Variants in SPTBN4 observed in about 807,000 individuals in gnomAD.
The protein encoded by SPTBN4 is spectrin beta, non-erythrocytic 4, also known as spectrin beta chain, non-erythrocytic 4.
In SPTBN4, 96 loss-of-function variants were observed where a neutral mutation model predicts 277.8. The ratio of observed to expected loss-of-function variants is 0.35; its 90% CI spans 0.29 to 0.41. The LOEUF is 0.41. SPTBN4 is among the 10% of genes least tolerant of loss of function. The pLI, the probability that SPTBN4 is intolerant of heterozygous loss-of-function variation, is 1.00. For missense variants in SPTBN4, 3,006 were observed against 3,595.7 expected (o/e 0.84, Z 4.19); for synonymous variants, 1,481 against 1,580.3 (o/e 0.94, Z 1.49).
chr19:40,506,736 T>C (rs959627436), intron 13 of SPTBN4, among the ~76,000 whole-genome samples: 1 of 152,032 alleles, frequency 6.6e-6, no homozygotes, highest in East Asian at 1.9e-4. Flanking sequence ...CCAGCCCTTT[T>C]GGAGGCCGAG....
chr19:40,565,040 G>A (rs2081077254), intron 27 of SPTBN4, among the ~76,000 whole-genome samples: 1 of 151,920 alleles, frequency 6.6e-6, no homozygotes, highest in African/African-American at 2.4e-5. Context: ...TGAGATGGGA[G>A]GATCACCTGA....
rs765767134 is a variant in SPTBN4, at chr19:40,572,331, C to T, written c.7494-7C>T. The T allele has an allele frequency of 6.2e-7, 1 of 1,614,034 alleles. No homozygotes were observed. Among genetic ancestry groups the T allele is most frequent in the African/African-American group, 1.3e-5 (1 of 74,948 alleles). ...AGATCTCTGAAGTCCTGTGTCCCTT[C>T]CTGCAGGACCCAGGATGGCAGTGAG... On this transcript the variant is annotated splice_region_variant and splice_polypyrimidine_tract_variant and intron_variant, in intron 34 of 35. Coordinates refer to ENST00000598249, the MANE Select transcript of SPTBN4 (RefSeq NM_020971.3).
In SPTBN4 at chr19:40,512,661, C is replaced by G. The variant is rs1435615899; in HGVS notation, c.1872C>G (p.Gly624=). The G allele has an allele frequency of 6.5e-7, 1 of 1,538,328 alleles. No individual in the cohort carries two copies. ...GCAACCGCGTGAACCACGTGCACGGCTGCCTGGCGGAGCTGCAGGAGCAGG... is the reference window on the plus strand; with the variant it reads ...GCAACCGCGTGAACCACGTGCACGGGTGCCTGGCGGAGCTGCAGGAGCAGG... ...VICNRVNHVH[G]CLAELQEQAA... is the part of the protein sequence containing the mutation. The change falls in exon 14 of 36, where the codon GGC becomes GGG. Residue 624 remains glycine, a synonymous_variant. Transcript: ENST00000598249.
At chr19:40,478,321 T>TAAA (rs755651079) in intron 2 of SPTBN4, among the ~76,000 whole-genome samples, 12 of 142,604 alleles carry the variant, frequency 8.4e-5, no homozygotes, top group Non-Finnish European at 1.4e-4. Context: ...CCCTTTAAGA[T>TAAA]AAAAAAAAAA....
rs377749153 is a variant in SPTBN4 at position 40,528,828 on chromosome 19, C to T, written c.3858-213C>T. On this transcript the variant is annotated intron_variant, in intron 17 of 35. Coordinates refer to ENST00000598249, the MANE Select transcript of SPTBN4 (RefSeq NM_020971.3). The stretch of plus-strand genomic sequence containing the variant: ...TTTCTTTCTAAGTGCCTGTCTCTGC[C>T]TCTCCCTTTCTCTTCCTCTGTCTGT... Among the ~76,000 whole-genome samples, 151 of 151,882 alleles carry T rather than the reference C, an allele frequency of 9.9e-4. 2 individuals are homozygous for T. The highest frequency in any genetic ancestry group is 3.5e-3 in the African/African-American group (145 of 41,394).
chr19:40,549,501 G>C, intron 21 of SPTBN4, 88 bp downstream of exon 21: 2 of 1,079,078 alleles, frequency 1.9e-6, no homozygotes, highest in South Asian at 1.8e-5. Context: ...AGATGGAGAC[G>C]GCTGAGACCC....
At position 40,549,241 on chromosome 19, in the gene SPTBN4, C is replaced by G; in HGVS notation, c.4412C>G (p.Ala1471Gly). The stretch of plus-strand genomic sequence containing the variant: ...TACCGCGAGGTGGGAGAGCTGCAGG[C>G]GCAGACGGCGGCGCTGCCGCTGGAG... ...EWYREVGELQAQTAALPLEPA... is the reference protein window; with the variant it reads ...EWYREVGELQGQTAALPLEPA... Residue 1471 changes from alanine to glycine, a missense_variant, in exon 21 of 36, where the codon GCG becomes GGG. Ala to Gly is a moderately conservative substitution (Grantham distance 60). This residue lies in a region of SPTBN4 where 1,759 missense variants were observed against 2,061.5 expected (regional missense o/e 0.85). Transcript: ENST00000598249. The G allele has an allele frequency of 6.5e-7, 1 of 1,548,048 alleles. No individual in the cohort carries two copies. The highest frequency in any genetic ancestry group is 8.7e-7 in the Non-Finnish European group (1 of 1,147,108).
chr19:40,569,997 C>G (rs904181340), intron 32 of SPTBN4, among the ~76,000 whole-genome samples: 12 of 149,952 alleles, frequency 8.0e-5, no homozygotes, highest in African/African-American at 1.2e-4. Context: ...CAGACACACA[C>G]ACACAGACAC....
intron 2 of SPTBN4, among the ~76,000 whole-genome samples, chr19:40,479,702 A>ATATATATT (rs1303572950): frequency 7.6e-5 from 11 of 144,440 alleles, no homozygotes; most frequent in African/African-American, 2.8e-4. Flanking sequence ...ATATATATAT[A>ATATATATT]TTTAACTTTT....
chr19:40,566,858 G>A (rs1367044868), intron 30 of SPTBN4, among the ~76,000 whole-genome samples: 2 of 151,788 alleles, frequency 1.3e-5, no homozygotes, highest in African/African-American at 2.4e-5. Flanking sequence ...CCAGCTACTC[G>A]GGAGGCTGAG....
rs1015120598 is a variant in SPTBN4 at position 40,558,225 on chromosome 19, C to T, written c.5670+822C>T. On this transcript the variant is annotated intron_variant, in intron 26 of 35. Transcript: ENST00000598249. ...ATACAAAAATTAGCAGGAATGGTGG[C>T]GGGCACCTGTAATCCCAGCTACACA... 8.6e-5 allele frequency among the ~76,000 whole-genome samples: 13 copies of T among 151,718 alleles called. No individual in the cohort carries two copies. In the South Asian group the frequency reaches 1.2e-3, roughly 15 times the overall value.
chr19:40,566,974 A>C, intron 30 of SPTBN4: 1 of 253,280 alleles, frequency 3.9e-6, no homozygotes, highest in Non-Finnish European at 8.0e-6. Flanking sequence ...CAACAACAAT[A>C]AAAAAAAAAC....
intron 25 of SPTBN4, 114 bp from the exon 26 acceptor site, chr19:40,556,909 C>A: frequency 1.5e-6 from 2 of 1,344,932 alleles, no homozygotes; most frequent in Non-Finnish European, 9.8e-7. Flanking sequence ...ACCTGGGCGA[C>A]AGAGCAAGAC....
intron 13 of SPTBN4, 32 bp downstream of exon 13, chr19:40,506,418 G>C (rs774731046): frequency 1.3e-5 from 20 of 1,594,030 alleles, no homozygotes; most frequent in Non-Finnish European, 1.7e-5. Flanking sequence ...GGGGCTATGG[G>C]TGGAGACTGT....
chr19:40,481,459 G>A (rs540957194), intron 2 of SPTBN4, among the ~76,000 whole-genome samples: 16 of 152,134 alleles, frequency 1.1e-4, no homozygotes, highest in African/African-American at 3.6e-4. Flanking sequence ...CCACCCTTGC[G>A]ATGGTCAGGT....
Position 40,512,990 on chromosome 19 carries a change from C to G in SPTBN4, c.2201C>G (p.Pro734Arg). The change falls in exon 14 of 36, where the codon CCG becomes CGG. Residue 734 changes from proline (P) to arginine (R), a missense_variant. By Grantham distance (103) the Pro-to-Arg change is moderately radical. Transcript: ENST00000598249. ...GTTGCGGCCGGCGGTGCCGTCGGCCCGGGAGCAGACACCGTGCACCTGGTA... is the reference window on the plus strand; with the variant it reads ...GTTGCGGCCGGCGGTGCCGTCGGCCGGGGAGCAGACACCGTGCACCTGGTA... ...ELVAAGGAVGPGADTVHLVGL... is the reference protein window; with the variant it reads ...ELVAAGGAVGRGADTVHLVGL... The G allele has an allele frequency of 1.4e-6, 2 of 1,420,558 alleles. No homozygotes were observed. The highest frequency in any genetic ancestry group is 1.8e-6 in the Non-Finnish European group (2 of 1,096,250). The allele number at this position is 1,420,558 out of a possible 1,614,324, so 88.0% of individuals were successfully genotyped here.
At chr19:40,533,905 G>A (rs769929134) in intron 19 of SPTBN4, among the ~76,000 whole-genome samples, 175 bp from the exon 20 acceptor site, 21 of 151,258 alleles carry the variant, frequency 1.4e-4, no homozygotes, top group Non-Finnish European at 2.8e-4. Flanking sequence ...TCCATTTCTG[G>A]GCCTATCTCT....
rs368765316 is a variant in SPTBN4 at position 40,510,299 on chromosome 19, TTTG to T, written c.1817-2295_1817-2293del. On this transcript the variant is annotated intron_variant, in intron 13 of 35. Transcript: ENST00000598249. ...CTGGGTACATGGAAGCTGTTTTTTT[TTTG>T]TTGTTGTTGTTTTGTTTTCTAAGAC... Among the ~76,000 whole-genome samples the T allele has an allele frequency of 1.3e-3, 193 of 152,066 alleles. 1 individual carries two copies. The highest frequency in any genetic ancestry group is 4.4e-3 in the African/African-American group (181 of 41,500).
At chr19:40,539,330 C>T (rs1028338311) in intron 20 of SPTBN4, among the ~76,000 whole-genome samples, 31 of 152,208 alleles carry the variant, frequency 2.0e-4, no homozygotes, top group African/African-American at 7.2e-4. Flanking sequence ...CAATGCTCAC[C>T]CCCTGGTGGA....
Sources: gnomAD v4.1 joint callset for allele counts (sites outside exome capture counted in the v4.1 genomes callset) on GRCh38, gnomAD v4.1.1 for gene constraint, gnomAD v4.1.1 regional missense constraint, MANE v1.5 for transcripts, NCBI Gene and HGNC (gene_info 2026-07-23, HGNC 2026-07-21) for gene names.